The following CAST variants were observed in gnomAD, a reference collection of about 807,000 sequenced individuals.
The protein encoded by CAST is MIR583 host.
Under a neutral mutation model 119.6 loss-of-function variants are expected in CAST, and 76 were observed. The ratio of observed to expected loss-of-function variants is 0.64; its 90% confidence interval spans 0.53 to 0.77. The LOEUF (loss-of-function observed/expected upper bound fraction) is 0.77. Among genes scored for constraint, CAST ranks in the 30% least tolerant of loss-of-function variants. CAST has a pLI of 0.00. For missense variants in CAST, 953 were observed against 946.5 expected (o/e 1.01, Z -0.09); for synonymous variants, 319 against 331.6 (o/e 0.96, Z 0.41).
intron 18 of CAST, among the ~76,000 whole-genome samples, 175 bp from the exon 19 acceptor site, chr5:96,748,343 T>C (rs889938502): frequency 6.6e-6 from 1 of 152,214 alleles, no homozygotes; most frequent in Admixed American, 6.5e-5. Flanking sequence ...AATTGTTTCA[T>C]GAAAATTTTA....
chr5:96,623,257 G>A (rs1026201770), intron 1 of CAST, among the ~76,000 whole-genome samples: 1 of 151,430 alleles, frequency 6.6e-6, no homozygotes, highest in Non-Finnish European at 1.5e-5. Context: ...CACAATAATG[G>A]CATTTTTTTT....
the CAST span, among the ~76,000 whole-genome samples, chr5:96,225,658 CTCTA>C: frequency 2.1e-4 from 32 of 152,134 alleles, no homozygotes; most frequent in Admixed American, 1.9e-3. Context: ...CTATATTTTT[CTCTA>C]TCTGAGATGA....
intron 1 of CAST, among the ~76,000 whole-genome samples, chr5:96,623,192 C>T (rs1217809965): frequency 2.6e-5 from 4 of 152,056 alleles, no homozygotes; most frequent in Non-Finnish European, 5.9e-5. Context: ...AACCTGATAC[C>T]CTTTTCTGTC....
chr5:96,447,925 T>C, the CAST span, among the ~76,000 whole-genome samples: 1 of 151,948 alleles, frequency 6.6e-6, no homozygotes, highest in African/African-American at 2.4e-5. Flanking sequence ...AGTAAAAACC[T>C]GCCCTGCTAG....
chr5:96,029,537 A>G, the CAST span, among the ~76,000 whole-genome samples: 1 of 152,174 alleles, frequency 6.6e-6, no homozygotes, highest in African/African-American at 2.4e-5. Flanking sequence ...TATGTAAAAA[A>G]TATTTCGAAA....
In CAST at chr5:96,735,119, T is replaced by G. The variant is rs1298519683; in HGVS notation, c.631-1053T>G. On this transcript the variant is annotated intron_variant, in intron 9 of 31. Transcript: ENST00000675179. ...GTGGCCCCCACAGTGTTTCTAGCAT[T>G]GCAATTGTAACAGTCACTTATTTAG... Among the ~76,000 whole-genome samples the G allele has an allele frequency of 2.0e-5, 3 of 152,240 alleles. No individual in the cohort carries two copies. The East Asian group carries it at 5.8e-4, about 29-fold the overall frequency.
the CAST span, among the ~76,000 whole-genome samples, chr5:96,497,242 T>A: frequency 6.6e-6 from 1 of 152,176 alleles, no homozygotes; most frequent in Non-Finnish European, 1.5e-5. Context: ...TGCCACATTT[T>A]CTTAATCCAG....
At chr5:96,425,957 T>A in the CAST span, 1 of 1,329,186 alleles carries the variant, frequency 7.5e-7, no homozygotes, top group Non-Finnish European at 1.1e-6. Context: ...AGCAAGAAAA[T>A]CAAAAGTCAA....
At chr5:96,348,638 T>C in the CAST span, among the ~76,000 whole-genome samples, 3 of 151,874 alleles carry the variant, frequency 2.0e-5, no homozygotes, top group Admixed American at 1.3e-4. Flanking sequence ...TTGCTAAGAG[T>C]TCATGGGTTG....
chr5:95,961,578 G>A, the CAST span: 104 of 1,593,238 alleles, frequency 6.5e-5, no homozygotes, highest in Non-Finnish European at 8.3e-5. Context: ...CGCTCACCTT[G>A]TGGCTCTGGT....
the CAST span, among the ~76,000 whole-genome samples, chr5:96,424,995 AAG>A: frequency 1.2e-3 from 171 of 137,346 alleles, no homozygotes; most frequent in African/African-American, 2.5e-3. Flanking sequence ...GAAAGAAAGA[AAG>A]AGAAAGAAAG....
At chr5:96,134,797 C>T in the CAST span, among the ~76,000 whole-genome samples, 1 of 152,150 alleles carries the variant, frequency 6.6e-6, no homozygotes, top group African/African-American at 2.4e-5. Flanking sequence ...GTGAAAGAGC[C>T]ACGGTTTTCT....
chr5:96,709,339 A>G (rs551776842), intron 3 of CAST, among the ~76,000 whole-genome samples: 7 of 152,170 alleles, frequency 4.6e-5, no homozygotes, highest in African/African-American at 7.2e-5. Context: ...AGAGAATTCA[A>G]TTCCTAGTTC....
intron 1 of CAST, among the ~76,000 whole-genome samples, chr5:96,617,572 A>C (rs180897765): frequency 6.6e-6 from 1 of 151,782 alleles, no homozygotes; most frequent in South Asian, 2.1e-4. Context: ...GGCGAATCAC[A>C]AGGTCAGGAG....
chr5:96,064,460 T>C, the CAST span, among the ~76,000 whole-genome samples: 1 of 110,172 alleles, frequency 9.1e-6, no homozygotes, highest in Non-Finnish European at 2.3e-5. Flanking sequence ...TGTTGAATGA[T>C]AGGCAAAAGT....
the CAST span, among the ~76,000 whole-genome samples, chr5:96,486,706 G>GA: frequency 6.6e-5 from 3 of 45,190 alleles, no homozygotes; most frequent in African/African-American, 1.5e-4. Context: ...CTTTTGTGTT[G>GA]GGGGGGCAGA....
At chr5:96,074,001 C>T in the CAST span, among the ~76,000 whole-genome samples, 339 of 152,270 alleles carry the variant, frequency 2.2e-3, 1 homozygote, top group Middle Eastern at 0.031. Context: ...CATCAAGGTT[C>T]CCGGCTGCAT....
At chr5:96,399,438 A>G in the CAST span, among the ~76,000 whole-genome samples, 1 of 152,190 alleles carries the variant, frequency 6.6e-6, no homozygotes, top group East Asian at 1.9e-4. Flanking sequence ...CTCCTAGTAG[A>G]AATTTCTTCT....
chr5:96,490,656 T>G, the CAST span, among the ~76,000 whole-genome samples: 1 of 152,030 alleles, frequency 6.6e-6, no homozygotes, highest in South Asian at 2.1e-4. Flanking sequence ...TGGGGATTTG[T>G]CATCACAACA....
Sources: gnomAD v4.1 joint callset for allele counts (sites outside exome capture counted in the v4.1 genomes callset) on GRCh38, gnomAD v4.1.1 for gene constraint, MANE v1.5 for transcripts, NCBI Gene and HGNC (gene_info 2026-07-23, HGNC 2026-07-21) for gene names.